The following ENOX2 variants were observed in gnomAD, a reference collection of about 807,000 sequenced individuals.
ENOX2 encodes ecto-NOX disulfide-thiol exchanger 2.
A neutral mutation model predicts 45.0 loss-of-function variants in ENOX2; 36 were observed. The ratio of observed to expected loss-of-function variants is 0.80; its 90% CI spans 0.61 to 1.06. The LOEUF is 1.06. ENOX2 is among the 50% of genes least tolerant of loss of function. The pLI, the probability that ENOX2 is intolerant of heterozygous loss-of-function variation, is 0.00. For missense variants in ENOX2, 423 were observed against 462.5 expected, an observed-to-expected ratio of 0.91 and a Z score of 0.78; for synonymous variants, 174 against 152.3, an observed-to-expected ratio of 1.14 and a Z score of -1.05.
At chrX:130,875,797 C>G (rs1443375366) in intron 2 of ENOX2, among the ~76,000 whole-genome samples, 1 of 111,923 alleles carries the variant, frequency 8.9e-6, no homozygotes, top group African/African-American at 3.2e-5. Context: ...AAAAAGATAA[C>G]TGTGCTTTAT....
chrX:130,843,991 T>A (rs940313799), intron 2 of ENOX2, among the ~76,000 whole-genome samples: 2 of 112,019 alleles, frequency 1.8e-5, no homozygotes, highest in Non-Finnish European at 3.8e-5. Context: ...TTAATAAATA[T>A]ATGTTGATAA....
At chrX:130,648,599 GATTT>G in intron 10 of ENOX2, among the ~76,000 whole-genome samples, 1 of 111,368 alleles carries the variant, frequency 9.0e-6, no homozygotes, top group Non-Finnish European at 1.9e-5. Context: ...GTTTGGTTAT[GATTT>G]ATTTTTCTTC....
intron 11 of ENOX2, among the ~76,000 whole-genome samples, chrX:130,636,953 G>A (rs764085263): frequency 1.8e-5 from 2 of 111,861 alleles, no homozygotes; most frequent in Non-Finnish European, 3.8e-5. Flanking sequence ...ACCTTCTGAA[G>A]CATAAAGAAA....
At chrX:130,633,360 G>C (rs1038447479) in intron 12 of ENOX2, among the ~76,000 whole-genome samples, 7 of 112,581 alleles carry the variant, frequency 6.2e-5, no homozygotes, top group Non-Finnish European at 1.3e-4. Flanking sequence ...AATTGTGTCA[G>C]GTTGAAATAT....
At position 130,851,450 on chromosome X, in the gene ENOX2, AT is replaced by A. The variant is rs1241058687; in HGVS notation, c.-183+50233del. 4.8e-3 allele frequency among the ~76,000 whole-genome samples: 484 copies of A among 101,885 alleles called. 2 individuals are homozygous for A. Among genetic ancestry groups the A allele is most frequent in the Admixed American group, 0.022 (212 of 9,486 alleles). The allele number at this position is 101,885 out of a possible 115,157, so 88.5% of individuals were successfully genotyped here. On this transcript the variant is annotated intron_variant, in intron 2 of 14. Transcript: ENST00000394363. ...TGCCCAGGCTGGGATAAATGGATGT[AT>A]TTTTTTTTTCTTTTTTTTCCTTTTT...
intron 2 of ENOX2, among the ~76,000 whole-genome samples, chrX:130,815,491 GC>G (rs2077467647): frequency 8.9e-6 from 1 of 112,087 alleles, no homozygotes; most frequent in African/African-American, 3.2e-5. Context: ...GTTAAGGGTA[GC>G]CAGAGAGAAA....
intron 3 of ENOX2, among the ~76,000 whole-genome samples, chrX:130,739,865 A>G (rs2038940790): frequency 8.9e-6 from 1 of 112,511 alleles, no homozygotes; most frequent in Non-Finnish European, 1.9e-5. Context: ...AGATCTTAGT[A>G]CAGGGTCTAG....
chrX:130,799,858 T>C (rs1237288219), intron 2 of ENOX2, among the ~76,000 whole-genome samples: 1 of 110,571 alleles, frequency 9.0e-6, no homozygotes, highest in African/African-American at 3.3e-5. Context: ...GATTTAATAG[T>C]AGTACAGTTA....
intron 4 of ENOX2, among the ~76,000 whole-genome samples, chrX:130,691,485 C>T (rs1366622773): frequency 1.8e-5 from 2 of 111,817 alleles, no homozygotes; most frequent in African/African-American, 3.3e-5. Context: ...TTAAGGCTTC[C>T]GATACCCTGT....
intron 5 of ENOX2, among the ~76,000 whole-genome samples, chrX:130,686,566 T>C (rs1307132111): frequency 1.8e-5 from 2 of 111,488 alleles, no homozygotes; most frequent in African/African-American, 6.5e-5. Flanking sequence ...AATACAATAA[T>C]CAAGGCCTGA....
intron 2 of ENOX2, among the ~76,000 whole-genome samples, chrX:130,849,909 A>G (rs1008561176): frequency 4.5e-5 from 5 of 111,700 alleles, no homozygotes; most frequent in African/African-American, 9.8e-5. Flanking sequence ...AGGGAAGGTC[A>G]TAACAGGCTC....
chrX:130,882,253 G>C (rs970764735), intron 2 of ENOX2, among the ~76,000 whole-genome samples: 1 of 106,826 alleles, frequency 9.4e-6, no homozygotes, highest in African/African-American at 3.4e-5. Flanking sequence ...TATAGAGAGC[G>C]TTGTGTAGTG....
At chrX:130,833,984 TAAAC>T (rs894438679) in intron 2 of ENOX2, among the ~76,000 whole-genome samples, 9 of 111,715 alleles carry the variant, frequency 8.1e-5, no homozygotes, top group East Asian at 2.8e-4. Context: ...TTAGTATCAG[TAAAC>T]AAACAGACAA....
rs1004853165 is a variant in ENOX2, at chrX:130,784,124, C to T, written c.-182-434G>A. Among the ~76,000 whole-genome samples the T allele has an allele frequency of 2.7e-5, 3 of 111,629 alleles. No homozygotes were observed. The Admixed American group carries it at 2.8e-4, about 11-fold the overall frequency. ...ATCAGACTATCCTGTGTCAAAGTCACTTCCAATAGTAATATAGGGGTCTCT... is the reference window on the plus strand; with the variant it reads ...ATCAGACTATCCTGTGTCAAAGTCATTTCCAATAGTAATATAGGGGTCTCT... On this transcript the variant is annotated intron_variant, in intron 2 of 14. Transcript: ENST00000394363.
intron 2 of ENOX2, among the ~76,000 whole-genome samples, chrX:130,875,301 C>T (rs1603376909): frequency 9.3e-6 from 1 of 108,095 alleles, no homozygotes; most frequent in East Asian, 2.9e-4. Flanking sequence ...ACACTGATTC[C>T]AAAATTCATG....
At chrX:130,778,779 A>G (rs2039912578) in intron 3 of ENOX2, among the ~76,000 whole-genome samples, 1 of 112,175 alleles carries the variant, frequency 8.9e-6, no homozygotes, top group Admixed American at 9.4e-5. Flanking sequence ...CTTCGGCAAT[A>G]CTACTTTTGA....
At chrX:130,875,853 A>C (rs893795484) in intron 2 of ENOX2, among the ~76,000 whole-genome samples, 3 of 112,389 alleles carry the variant, frequency 2.7e-5, no homozygotes, top group Admixed American at 9.4e-5. Context: ...CATAAAAGTG[A>C]AAAGAAGGCC....
intron 9 of ENOX2, among the ~76,000 whole-genome samples, chrX:130,657,656 A>G (rs1233038769): frequency 8.9e-6 from 1 of 112,764 alleles, no homozygotes; most frequent in Non-Finnish European, 1.9e-5. Context: ...CATCCAAGAG[A>G]TAGAATTCCC....
chrX:130,741,589 A>T (rs1007440322), intron 3 of ENOX2, among the ~76,000 whole-genome samples: 1 of 111,830 alleles, frequency 8.9e-6, no homozygotes, highest in Non-Finnish European at 1.9e-5. Context: ...TCAGGGAAGG[A>T]AAACCCTGGC....
Sources: gnomAD v4.1 joint callset for allele counts (sites outside exome capture counted in the v4.1 genomes callset) on GRCh38, gnomAD v4.1.1 for gene constraint, MANE v1.5 for transcripts, NCBI Gene and HGNC (gene_info 2026-07-23, HGNC 2026-07-21) for gene names.